PCDHGA2: variants seen among roughly 807,000 people sequenced by gnomAD.
PCDHGA2 encodes the protein protocadherin gamma-A2.
Under a neutral mutation model 59.2 loss-of-function variants are expected in PCDHGA2, and 40 were observed. The ratio of observed to expected loss-of-function variants is 0.68; its 90% confidence interval spans 0.52 to 0.88. The LOEUF is 0.88. Among genes scored for constraint, PCDHGA2 ranks in the 40% least tolerant of loss-of-function variants. PCDHGA2 has a pLI of 0.00. For missense variants in PCDHGA2, 1,226 were observed against 1,204.0 expected, an observed-to-expected ratio of 1.02 and a Z score of -0.27; for synonymous variants, 560 against 526.0, an observed-to-expected ratio of 1.06 and a Z score of -0.89.
chr5:141,414,751 T>C (rs2095785645), intron 1 of PCDHGA2: 4 of 1,614,084 alleles, frequency 2.5e-6, no homozygotes, highest in Non-Finnish European at 1.7e-6. Flanking sequence ...ATCCTTCGAC[T>C]ATGAGCAGTT....
At chr5:141,410,665 G>C (rs372651223) in intron 1 of PCDHGA2, 9 of 1,569,394 alleles carry the variant, frequency 5.7e-6, no homozygotes, top group Non-Finnish European at 7.7e-6. Flanking sequence ...TAGTCTACTA[G>C]TTTCTCATAT....
chr5:141,408,021 A>C (rs2095027284), intron 1 of PCDHGA2: 1 of 1,036,444 alleles, frequency 9.6e-7, no homozygotes, highest in Non-Finnish European at 1.3e-6. Context: ...AGCCAACAAC[A>C]GAAAGAAGAA....
intron 2 of PCDHGA2, 105 bp downstream of exon 2, chr5:141,494,970 C>T (rs1352514628): frequency 1.9e-6 from 3 of 1,584,974 alleles, no homozygotes; most frequent in East Asian, 4.6e-5. Context: ...GATGGCTTCT[C>T]CCTCAGTTTG....
chr5:141,364,546 G>C (rs149041036), intron 1 of PCDHGA2: 36,067 of 1,614,110 alleles, frequency 0.022, 502 homozygotes, highest in Non-Finnish European at 0.025. Flanking sequence ...GAGGTAGGAC[G>C]CAGCTTTTTG....
rs2094308599 is a variant in PCDHGA2 at position 141,402,798 on chromosome 5, C to T, written c.2424+61403C>T. ...TTTCCAGTTCTGCGGCTACACAAAA[C>T]CCGGCAGATACCACAAACCTGCTCC... On this transcript the variant is annotated intron_variant, in intron 1 of 3. Transcript: ENST00000394576. 7.6e-6 allele frequency: 8 copies of T among 1,054,376 alleles called. No individual in the cohort carries two copies. The South Asian group carries it at 1.6e-4, about 20-fold the overall frequency. The allele number at this position is 1,054,376 out of a possible 1,614,324, so 65.3% of individuals were successfully genotyped here. A position where few individuals can be genotyped will look rare whatever the true frequency, so the allele number is the denominator to read the frequency against.
At chr5:141,468,668 C>T (rs993230755) in intron 1 of PCDHGA2, 1 of 149,910 alleles carries the variant, frequency 6.7e-6, no homozygotes, top group Admixed American at 6.7e-5. Context: ...AGATCAAGAC[C>T]ATCCTGGCTA....
chr5:141,490,157 G>A lies in PCDHGA2; in HGVS notation c.2425-4650G>A. 6.2e-7 allele frequency: 1 copy of A among 1,614,210 alleles called. No homozygotes were observed. On this transcript the variant is annotated intron_variant, in intron 1 of 3. Transcript: ENST00000394576. The surrounding 1 kb of genome is among the most constrained non-coding windows in gnomAD (Gnocchi z 5.4). ...AGCAGTGGGGCAATCCATGTGTTGG[G>A]TCCCATAGACTTTGAGGAGTCACGT...
At chr5:141,447,275 G>C (rs2098532748) in intron 1 of PCDHGA2, among the ~76,000 whole-genome samples, 1 of 152,154 alleles carries the variant, frequency 6.6e-6, no homozygotes, top group African/African-American at 2.4e-5. Flanking sequence ...AAGTAGCTGG[G>C]ACTACAGGCA....
At chr5:141,416,217 G>A (rs1224952837) in intron 1 of PCDHGA2, 1 of 152,288 alleles carries the variant, frequency 6.6e-6, no homozygotes, top group Non-Finnish European at 1.5e-5. Flanking sequence ...AACAATGTAT[G>A]CTTAGATTTT....
intron 1 of PCDHGA2, chr5:141,361,103 A>G (rs1224359599): frequency 5.0e-6 from 8 of 1,613,902 alleles, no homozygotes; most frequent in Non-Finnish European, 6.8e-6. Context: ...GAAGCAAAAG[A>G]TCCTGGAGAT....
rs201391904 is a variant in PCDHGA2, at chr5:141,494,843, G to A, written c.2461G>A (p.Ala821Thr). Residue 821 changes from alanine to threonine, a missense_variant, in exon 2 of 4, where the codon GCC becomes ACC. Transcript: ENST00000394576. ...PPNTDWRFSQ[A>T]QRPGTSGSQN... is the part of the protein sequence containing the mutation. ...CAACACGGACTGGCGTTTCTCTCAG[G>A]CCCAGAGACCCGGCACCAGCGGGTA... 1.9e-6 allele frequency: 3 copies of A among 1,614,088 alleles called. No homozygotes were observed. Among genetic ancestry groups the A allele is most frequent in the Admixed American group, 3.3e-5 (2 of 60,008 alleles).
At chr5:141,383,304 G>A (rs1779007855) in intron 1 of PCDHGA2, 1 of 1,613,918 alleles carries the variant, frequency 6.2e-7, no homozygotes, top group Non-Finnish European at 8.5e-7. Context: ...GATTCTTGAC[G>A]GAAGAAATAA....
At chr5:141,375,949 C>T (rs759212599) in intron 1 of PCDHGA2, 36 of 1,613,450 alleles carry the variant, frequency 2.2e-5, no homozygotes, top group African/African-American at 2.7e-5. Flanking sequence ...TGGGCCTGCA[C>T]ACGGGCGAGG....
At chr5:141,357,424 G>A in intron 1 of PCDHGA2, 2 of 1,614,210 alleles carry the variant, frequency 1.2e-6, no homozygotes, top group Non-Finnish European at 1.7e-6. Flanking sequence ...GCACTTTGTG[G>A]GCGTGGACGG....
At chr5:141,413,468 A>C in intron 1 of PCDHGA2, 1 of 1,614,072 alleles carries the variant, frequency 6.2e-7, no homozygotes, top group South Asian at 1.1e-5. Context: ...GACCGGGAGG[A>C]GCTCTGCGCT....
At chr5:141,398,764 A>G in intron 1 of PCDHGA2, 2 of 1,613,924 alleles carry the variant, frequency 1.2e-6, no homozygotes, top group East Asian at 4.5e-5. Context: ...TTTAGTCCTG[A>G]CTGCCTTGGA....
chr5:141,372,406 T>C, intron 1 of PCDHGA2: 7 of 1,614,058 alleles, frequency 4.3e-6, no homozygotes, highest in Non-Finnish European at 5.9e-6. Flanking sequence ...TTGCAAGAGA[T>C]ACAACCTGAC....
At chr5:141,370,668 C>A in intron 1 of PCDHGA2, 5 of 1,613,762 alleles carry the variant, frequency 3.1e-6, no homozygotes, top group Middle Eastern at 3.3e-4. Flanking sequence ...CCGTATAGAC[C>A]GAGAGGAGAT....
At chr5:141,407,621 T>C (rs993791058) in intron 1 of PCDHGA2, among the ~76,000 whole-genome samples, 1 of 152,202 alleles carries the variant, frequency 6.6e-6, no homozygotes, top group African/African-American at 2.4e-5. Flanking sequence ...GTTGACATTC[T>C]ATATCTCGTA....
Sources: gnomAD v4.1 joint callset for allele counts (sites outside exome capture counted in the v4.1 genomes callset) on GRCh38, gnomAD v4.1.1 for gene constraint, Gnocchi (gnomAD v3.1) non-coding constraint, MANE v1.5 for transcripts, NCBI Gene and HGNC (gene_info 2026-07-23, HGNC 2026-07-21) for gene names.